Variants in COX7A2 observed in about 807,000 individuals in gnomAD.
The protein encoded by COX7A2 is cytochrome c oxidase subunit 7A2, mitochondrial.
In COX7A2, 11 loss-of-function variants were observed where a neutral mutation model predicts 11.6. That is an observed-to-expected ratio of 0.95 (90% CI 0.60 to 1.57). The LOEUF (loss-of-function observed/expected upper bound fraction) is 1.57, where lower values mean the gene tolerates loss of function less well. Ranked by LOEUF, COX7A2 falls within the 40% of genes most tolerant of loss-of-function variation. The probability of loss-of-function intolerance (pLI) is 0.00; values close to 1 mark genes in which losing one functional copy is unlikely to be tolerated. For missense variants in COX7A2, 106 were observed against 100.9 expected (o/e 1.05, Z -0.22); for synonymous variants, 30 against 38.2 (o/e 0.78, Z 0.79).
chr6:75,246,015 C>A (rs959181239), upstream of COX7A2, among the ~76,000 whole-genome samples: 1 of 152,110 alleles, frequency 6.6e-6, no homozygotes, highest in African/African-American at 2.4e-5. Context: ...TCCTCTTAAA[C>A]CTCTAAAATT....
chr6:75,239,544 A>G (rs954907728), intron 3 of COX7A2, among the ~76,000 whole-genome samples: 2 of 152,238 alleles, frequency 1.3e-5, no homozygotes, highest in Non-Finnish European at 1.5e-5. Context: ...TCACTCAAAT[A>G]TAGCATCCCT....
intron 1 of COX7A2, among the ~76,000 whole-genome samples, chr6:75,242,574 C>T (rs1044344213): frequency 4.3e-5 from 6 of 141,156 alleles, no homozygotes; most frequent in Non-Finnish European, 9.1e-5. Flanking sequence ...GTAATCCCAG[C>T]GCTTTGGGAG....
At chr6:75,241,073 A>C in intron 2 of COX7A2, 103 bp downstream of exon 2, 2 of 1,393,890 alleles carry the variant, frequency 1.4e-6, no homozygotes, top group South Asian at 1.6e-5. Context: ...TAATGTTTAT[A>C]TTGTCATATG....
chr6:75,245,189 C>T (rs1316328971), upstream of COX7A2, among the ~76,000 whole-genome samples: 1 of 152,066 alleles, frequency 6.6e-6, no homozygotes, highest in Non-Finnish European at 1.5e-5. Context: ...AGCTTATGAC[C>T]CTGTCCAAAA....
At chr6:75,247,603 GACTA>G (rs935015139), upstream of COX7A2, among the ~76,000 whole-genome samples, 2 of 149,610 alleles carry the variant, frequency 1.3e-5, no homozygotes, top group African/African-American at 4.9e-5. Flanking sequence ...ACTTTAGTTA[GACTA>G]ACTCCTAATG....
chr6:75,243,558 C>T (rs1291008471), intron 1 of COX7A2, among the ~76,000 whole-genome samples, 159 bp downstream of exon 1: 5 of 152,012 alleles, frequency 3.3e-5, no homozygotes, highest in African/African-American at 9.7e-5. Context: ...GAGGAATAGA[C>T]GGAAGGGAAA....
intron 3 of COX7A2, 24 bp from the exon 4 acceptor site, chr6:75,238,012 A>C (rs763329014): frequency 6.8e-7 from 1 of 1,480,738 alleles, no homozygotes. Flanking sequence ...ACAAAAAAGA[A>C]CTTAACCATA....
upstream of COX7A2, among the ~76,000 whole-genome samples, chr6:75,247,067 A>G (rs2149514482): frequency 6.6e-6 from 1 of 152,224 alleles, no homozygotes; most frequent in African/African-American, 2.4e-5. Context: ...TGGCAGGGGG[A>G]ATATGTGGGA....
chr6:75,248,081 CTTTTTTTT>C (rs905344722), upstream of COX7A2, among the ~76,000 whole-genome samples: 3 of 10,676 alleles, frequency 2.8e-4, 1 homozygote, highest in Admixed American at 3.4e-3. Context: ...CATCCTTTAT[CTTTTTTTT>C]TTTTTTTTTT....
chr6:75,243,894 A>G, upstream of COX7A2: 1 of 1,477,216 alleles, frequency 6.8e-7, no homozygotes, highest in African/African-American at 1.4e-5. Context: ...AGAGCAAAAG[A>G]AAAACTAGAG....
intron 2 of COX7A2, 59 bp downstream of exon 2, chr6:75,241,117 T>C: frequency 6.4e-7 from 1 of 1,558,778 alleles, no homozygotes; most frequent in Non-Finnish European, 8.8e-7. Context: ...TTATCCCAAC[T>C]CTTACCTTTT....
Sources: allele counts gnomAD v4.1 joint callset (sites outside exome capture counted in the v4.1 genomes callset), GRCh38; gene constraint gnomAD v4.1.1; transcripts MANE v1.5; gene names NCBI Gene and HGNC (gene_info 2026-07-23, HGNC 2026-07-21).